GUCY1A1: variants seen among roughly 807,000 people sequenced by gnomAD.
The protein encoded by GUCY1A1 is guanylate cyclase soluble subunit alpha-1.
A neutral mutation model predicts 64.5 loss-of-function variants in GUCY1A1; 48 were observed. The observed-to-expected ratio is 0.74, with a 90% CI of 0.59 to 0.95. GUCY1A1 has a LOEUF of 0.95. GUCY1A1 is among the 40% of genes least tolerant of loss of function. GUCY1A1 has a pLI of 0.00. For synonymous variants in GUCY1A1, 308 were observed against 303.4 expected (o/e 1.02, Z -0.16); for missense variants, 804 against 825.3 (o/e 0.97, Z 0.32).
chr4:155,689,490 T>A (rs1230750884), intron 2 of GUCY1A1, among the ~76,000 whole-genome samples: 1 of 152,168 alleles, frequency 6.6e-6, no homozygotes, highest in Non-Finnish European at 1.5e-5. Context: ...TAAAATATAT[T>A]TTAGGATTTA....
intron 2 of GUCY1A1, among the ~76,000 whole-genome samples, chr4:155,686,078 G>T (rs1251682846): frequency 6.6e-6 from 1 of 152,176 alleles, no homozygotes. Context: ...GACCTATCTT[G>T]TTTGCACAAA....
chr4:155,698,677 A>G (rs1176551479), intron 3 of GUCY1A1, among the ~76,000 whole-genome samples: 4 of 152,168 alleles, frequency 2.6e-5, no homozygotes, highest in African/African-American at 9.7e-5. Context: ...CTCTGTCTCA[A>G]CAACAACAAC....
At chr4:155,690,399 A>C (rs998464501) in intron 2 of GUCY1A1, among the ~76,000 whole-genome samples, 1 of 152,124 alleles carries the variant, frequency 6.6e-6, no homozygotes, top group Non-Finnish European at 1.5e-5. Context: ...TCCTACTCTG[A>C]CCCATTTTTC....
chr4:155,736,586 T>C lies in GUCY1A1; in HGVS notation c.*6355T>C, dbSNP rs1487577766. The C allele has an allele frequency of 2.6e-5, 4 of 152,014 alleles. No homozygotes were observed. The highest frequency in any genetic ancestry group is 5.9e-5 in the Non-Finnish European group (4 of 67,956). 9.4% of individuals were successfully genotyped at this position (152,014 alleles called of 1,614,324 possible). ...ATGAGAAGACAATAACTGACAAGTC[T>C]GTGATTTTTGGGTTAGATGAGACCA... On this transcript the variant is annotated 3_prime_UTR_variant, in exon 10 of 10. Coordinates refer to ENST00000506455, the MANE Select transcript of GUCY1A1 (RefSeq NM_001130682.3).
At chr4:155,711,472 C>A (rs1001065939) in intron 6 of GUCY1A1, 1 of 370,292 alleles carries the variant, frequency 2.7e-6, no homozygotes, top group Admixed American at 4.3e-5. Flanking sequence ...TGAATGCAGT[C>A]TGCCTTTTAA....
At chr4:155,669,695 G>A (rs1029596685) in intron 2 of GUCY1A1, among the ~76,000 whole-genome samples, 12 of 151,700 alleles carry the variant, frequency 7.9e-5, no homozygotes, top group Admixed American at 1.3e-4. Flanking sequence ...TTTTGTGACC[G>A]AATTTTAAGA....
At chr4:155,702,580 G>A (rs746429962) in intron 3 of GUCY1A1, among the ~76,000 whole-genome samples, 17 of 152,058 alleles carry the variant, frequency 1.1e-4, no homozygotes, top group East Asian at 1.9e-4. Context: ...CTCTGGGTGC[G>A]TCTTCCACCA....
rs1247564765 is a variant in GUCY1A1 at position 155,730,148 on chromosome 4, A to G, written c.1990A>G (p.Thr664Ala). The G allele has an allele frequency of 6.2e-7, 1 of 1,611,972 alleles. No homozygotes were observed. Among genetic ancestry groups the G allele is most frequent in the South Asian group, 1.1e-5 (1 of 91,010 alleles). Reference sequence around the variant, plus strand: ...TTTTCTGGATGCTTACCAACAAGGAACAAACTCAAAACCATGCTTCCAAAA... The same window carrying G: ...TTTTCTGGATGCTTACCAACAAGGAGCAAACTCAAAACCATGCTTCCAAAA... The part of the protein sequence containing the change: ...CHFLDAYQQG[T>A]NSKPCFQKKD... Residue 664 changes from threonine to alanine, a missense_variant, in exon 10 of 10, where the codon ACA (threonine) becomes GCA (alanine). Thr to Ala is a moderately conservative substitution (Grantham distance 58). Transcript: ENST00000506455.
intron 2 of GUCY1A1, among the ~76,000 whole-genome samples, chr4:155,679,535 C>A (rs1735427335): frequency 6.6e-6 from 1 of 152,092 alleles, no homozygotes; most frequent in Non-Finnish European, 1.5e-5. Flanking sequence ...AGACACCAGG[C>A]TTTTGTGTAA....
intron 9 of GUCY1A1, chr4:155,722,687 A>C (rs1734127098): frequency 6.5e-6 from 1 of 153,056 alleles, no homozygotes; most frequent in African/African-American, 2.4e-5. Flanking sequence ...CTCTCAAGTT[A>C]GATAATTATC....
intron 2 of GUCY1A1, among the ~76,000 whole-genome samples, chr4:155,690,497 T>C (rs1729592915): frequency 6.6e-6 from 1 of 152,242 alleles, no homozygotes; most frequent in Non-Finnish European, 1.5e-5. Context: ...GCCCTTAGAA[T>C]AGAGTATTAT....
chr4:155,721,399 C>T (rs1733940966), intron 8 of GUCY1A1, among the ~76,000 whole-genome samples: 1 of 152,138 alleles, frequency 6.6e-6, no homozygotes, highest in Non-Finnish European at 1.5e-5. Flanking sequence ...TCTGATCTTT[C>T]ATCAGTATGG....
At chr4:155,692,404 C>G (rs1579041838) in intron 2 of GUCY1A1, among the ~76,000 whole-genome samples, 1 of 152,180 alleles carries the variant, frequency 6.6e-6, no homozygotes, top group Non-Finnish European at 1.5e-5. Context: ...AATTTACACT[C>G]CCACGAAGAG....
intron 2 of GUCY1A1, among the ~76,000 whole-genome samples, chr4:155,672,150 G>A (rs961620043): frequency 6.6e-6 from 1 of 151,888 alleles, no homozygotes; most frequent in African/African-American, 2.4e-5. Flanking sequence ...AATACTTACT[G>A]CAATTAAATT....
chr4:155,699,098 T>G (rs1292109245), intron 3 of GUCY1A1, among the ~76,000 whole-genome samples: 1 of 152,144 alleles, frequency 6.6e-6, no homozygotes, highest in East Asian at 1.9e-4. Flanking sequence ...TATTTGGTTG[T>G]ATCATATTTC....
At chr4:155,700,172 GC>G (rs1403495581) in intron 3 of GUCY1A1, among the ~76,000 whole-genome samples, 1 of 152,088 alleles carries the variant, frequency 6.6e-6, no homozygotes, top group Admixed American at 6.6e-5. Context: ...TCTTGAAGGA[GC>G]TTTTAATGGA....
chr4:155,686,722 G>A (rs1156501369), intron 2 of GUCY1A1, among the ~76,000 whole-genome samples: 1 of 152,188 alleles, frequency 6.6e-6, no homozygotes, highest in Non-Finnish European at 1.5e-5. Flanking sequence ...GTAGTGCAAT[G>A]GCATAAGGCT....
At chr4:155,690,154 CAG>C (rs1302944767) in intron 2 of GUCY1A1, among the ~76,000 whole-genome samples, 2 of 152,032 alleles carry the variant, frequency 1.3e-5, no homozygotes, top group Non-Finnish European at 2.9e-5. Context: ...ATTGAATAAC[CAG>C]AGTCATGGGA....
intron 2 of GUCY1A1, among the ~76,000 whole-genome samples, chr4:155,689,012 A>T (rs901078532): frequency 2.0e-5 from 3 of 150,940 alleles, no homozygotes; most frequent in African/African-American, 7.3e-5. Context: ...TCTACGACAG[A>T]GCATATGGTC....
Sources: gnomAD v4.1 joint callset for allele counts (sites outside exome capture counted in the v4.1 genomes callset) on GRCh38, gnomAD v4.1.1 for gene constraint, MANE v1.5 for transcripts, NCBI Gene and HGNC (gene_info 2026-07-23, HGNC 2026-07-21) for gene names.